The following MYO18B variants were observed in gnomAD, a reference collection of about 807,000 sequenced individuals.
The protein encoded by MYO18B is myosin XVIIIB, also known as unconventional myosin-XVIIIb.
In MYO18B, 204 loss-of-function variants were observed where a neutral mutation model predicts 273.0. The observed-to-expected ratio is 0.75, with a 90% CI of 0.67 to 0.84. The LOEUF is 0.84. Among genes scored for constraint, MYO18B ranks in the 40% least tolerant of loss-of-function variants. The pLI is 0.00. For synonymous variants in MYO18B, 1,330 were observed against 1,305.7 expected, an observed-to-expected ratio of 1.02 and a Z score of -0.40; for missense variants, 3,212 against 3,287.6, an observed-to-expected ratio of 0.98 and a Z score of 0.56.
chr22:26,014,234 T>C (rs1031639974), intron 42 of MYO18B, among the ~76,000 whole-genome samples: 7 of 152,210 alleles, frequency 4.6e-5, no homozygotes, highest in Non-Finnish European at 8.8e-5. Flanking sequence ...CATATAGATA[T>C]TGAGTTGGTC....
intron 42 of MYO18B, among the ~76,000 whole-genome samples, chr22:26,019,202 T>C (rs1935614129): frequency 1.3e-5 from 2 of 152,194 alleles, no homozygotes; most frequent in Non-Finnish European, 2.9e-5. Context: ...CATGGGAGTC[T>C]CAGCTCTGCT....
intron 1 of MYO18B, among the ~76,000 whole-genome samples, chr22:25,755,666 C>T (rs2086092955): frequency 6.6e-6 from 1 of 152,218 alleles, no homozygotes; most frequent in African/African-American, 2.4e-5. Flanking sequence ...GGTGCCCACC[C>T]TGGGTTAATC....
In MYO18B at chr22:26,030,922, T is replaced by C. The variant is rs1393032595; in HGVS notation, c.*492T>C. The C allele has an allele frequency of 1.3e-5, 5 of 398,494 alleles. No homozygotes were observed. Among genetic ancestry groups the C allele is most frequent in the Non-Finnish European group, 1.8e-5 (4 of 226,076 alleles). The allele number at this position is 398,494 out of a possible 1,614,324, so 24.7% of individuals were successfully genotyped here. A position where few individuals can be genotyped will look rare whatever the true frequency, so the allele number is the denominator to read the frequency against. On this transcript the variant is annotated 3_prime_UTR_variant, in exon 44 of 44. Transcript: ENST00000335473. ...TTAATCCCCATGCTTGTCGATTATA[T>C]TCCTTTGCCAATTCATTTCTCTATC...
chr22:26,061,847 T>G, the MYO18B span, among the ~76,000 whole-genome samples: 10 of 151,920 alleles, frequency 6.6e-5, no homozygotes, highest in African/African-American at 2.2e-4. Context: ...TCTTGGCCCT[T>G]CCTAGCCCAT....
intron 22 of MYO18B, among the ~76,000 whole-genome samples, chr22:25,871,049 A>C (rs1366571227): frequency 6.6e-6 from 1 of 152,208 alleles, no homozygotes; most frequent in Non-Finnish European, 1.5e-5. Context: ...AATCAAGGTC[A>C]ATGTGTCCTT....
intron 13 of MYO18B, among the ~76,000 whole-genome samples, chr22:25,824,453 A>G (rs550759610): frequency 3.3e-5 from 5 of 152,268 alleles, no homozygotes; most frequent in African/African-American, 1.2e-4. Flanking sequence ...CCGTGGGGGA[A>G]AAACAGGAGG....
At chr22:25,870,315 C>T (rs1340183870) in intron 22 of MYO18B, among the ~76,000 whole-genome samples, 1 of 152,214 alleles carries the variant, frequency 6.6e-6, no homozygotes, top group Non-Finnish European at 1.5e-5. Flanking sequence ...ATGGGATAGC[C>T]TACCACGCAC....
At chr22:25,799,047 T>A (rs1477032608) in intron 12 of MYO18B, among the ~76,000 whole-genome samples, 2 of 152,034 alleles carry the variant, frequency 1.3e-5, no homozygotes, top group Non-Finnish European at 2.9e-5. Context: ...AATCATTCAC[T>A]ATGTTCCAGA....
At chr22:25,970,876 G>A (rs189920192) in intron 39 of MYO18B, among the ~76,000 whole-genome samples, 74 of 152,250 alleles carry the variant, frequency 4.9e-4, no homozygotes, top group Middle Eastern at 3.4e-3. Context: ...TTGCTTGGTG[G>A]GTGGGGAGAA....
At position 25,877,981 on chromosome 22, in the gene MYO18B, G is replaced by C. The variant is rs182117304; in HGVS notation, c.4247G>C (p.Arg1416Pro). 1.3e-6 allele frequency: 2 copies of C among 1,579,526 alleles called. No homozygotes were observed. Among genetic ancestry groups the C allele is most frequent in the African/African-American group, 2.7e-5 (2 of 74,214 alleles). Reference sequence around the variant, plus strand: ...TAGGAGGAGCTTACAACGCTAAGACGGAAGCTAGAAAAATCAGAGAAGTTG... The same window carrying C: ...TAGGAGGAGCTTACAACGCTAAGACCGAAGCTAGAAAAATCAGAGAAGTTG... ...AKEEELTTLRRKLEKSEKLRN... is the reference protein window; with the variant it reads ...AKEEELTTLRPKLEKSEKLRN... The change falls in exon 25 of 44, where the codon CGG (arginine) becomes CCG (proline). Residue 1416 changes from arginine (R) to proline (P), a missense_variant. Coordinates refer to ENST00000335473, the MANE Select transcript of MYO18B (RefSeq NM_032608.7).
At chr22:25,840,745 A>G (rs184773919) in intron 17 of MYO18B, among the ~76,000 whole-genome samples, 5 of 151,840 alleles carry the variant, frequency 3.3e-5, no homozygotes, top group South Asian at 2.1e-4. Context: ...AGCAGAAGGC[A>G]TATGGTAGGG....
intron 33 of MYO18B, among the ~76,000 whole-genome samples, chr22:25,920,328 C>T (rs1446408720): frequency 5.3e-5 from 8 of 152,212 alleles, no homozygotes; most frequent in African/African-American, 1.2e-4. Flanking sequence ...GATGTTAACA[C>T]GTTGTCTTTT....
At chr22:25,925,058 G>A (rs556690551) in intron 34 of MYO18B, among the ~76,000 whole-genome samples, 12 of 152,260 alleles carry the variant, frequency 7.9e-5, no homozygotes, top group African/African-American at 2.9e-4. Context: ...AGCAATACAT[G>A]TCCTATACCC....
rs1263977196 is a variant in MYO18B, at chr22:25,772,389, A to T, written c.1748A>T (p.Asn583Ile). ...GACCTGGCCTCTCTCATCAGTGTCA[A>T]CGAATCCAGTGTCCTGAACACGCTT... Reference protein sequence around the residue: ...VEDLASLISVNESSVLNTLLQ... With the variant: ...VEDLASLISVIESSVLNTLLQ... The change falls in exon 7 of 44, where the codon AAC becomes ATC. Residue 583 changes from asparagine (N) to isoleucine (I), a missense_variant. Transcript: ENST00000335473. 1 of 1,613,996 alleles carries T rather than the reference A, an allele frequency of 6.2e-7. No individual in the cohort carries two copies. The highest frequency in any genetic ancestry group is 8.5e-7 in the Non-Finnish European group (1 of 1,179,882).
intron 42 of MYO18B, among the ~76,000 whole-genome samples, chr22:26,016,462 A>C (rs1448777123): frequency 6.6e-6 from 1 of 152,198 alleles, no homozygotes; most frequent in African/African-American, 2.4e-5. Flanking sequence ...TGGTGTTAGA[A>C]ATATGGAGAA....
intron 13 of MYO18B, among the ~76,000 whole-genome samples, chr22:25,825,441 C>T (rs144956910): frequency 6.2e-4 from 94 of 152,052 alleles, no homozygotes; most frequent in African/African-American, 2.0e-3. Context: ...ACTTAAGGGA[C>T]GGAATTTGTG....
chr22:25,802,486 C>T (rs549761152), intron 12 of MYO18B, among the ~76,000 whole-genome samples: 41 of 152,108 alleles, frequency 2.7e-4, no homozygotes, highest in Non-Finnish European at 4.6e-4. Flanking sequence ...CACGGTGGCT[C>T]ACGCCTGTAA....
intron 12 of MYO18B, among the ~76,000 whole-genome samples, chr22:25,802,984 C>G (rs2145787578): frequency 7.1e-6 from 1 of 139,900 alleles, no homozygotes; most frequent in African/African-American, 2.7e-5. Context: ...TTTTTTGAGA[C>G]AGAGTCTTGC....
At chr22:25,963,160 C>CCTCTCTCTCTCTCCTCTTTCTCCTCT (rs2092936662) in intron 39 of MYO18B, among the ~76,000 whole-genome samples, 1 of 132,852 alleles carries the variant, frequency 7.5e-6, no homozygotes, top group Non-Finnish European at 1.6e-5. Context: ...TCCTCTTTCT[C>CCTCTCTCTCTCTCCTCTTTCTCCTCT]CTCTCTCTCT....
Sources: allele counts gnomAD v4.1 joint callset (sites outside exome capture counted in the v4.1 genomes callset), GRCh38; gene constraint gnomAD v4.1.1; transcripts MANE v1.5; gene names NCBI Gene and HGNC (gene_info 2026-07-23, HGNC 2026-07-21).